SLX4IP: variants seen among roughly 807,000 people sequenced by gnomAD.
SLX4IP encodes SLX4 interacting protein, also known as protein SLX4IP.
A neutral mutation model predicts 32.9 loss-of-function variants in SLX4IP; 34 were observed. The observed-to-expected ratio is 1.03, with a 90% CI of 0.79 to 1.38. SLX4IP has a LOEUF of 1.38. Among genes scored for constraint, SLX4IP ranks in the 40% most tolerant of loss-of-function variants. The pLI is 0.00. For synonymous variants in SLX4IP, 172 were observed against 171.7 expected, an observed-to-expected ratio of 1.00 and a Z score of -0.01; for missense variants, 444 against 479.0, an observed-to-expected ratio of 0.93 and a Z score of 0.68.
intron 2 of SLX4IP, among the ~76,000 whole-genome samples, chr20:10,514,142 G>A (rs1298621957): frequency 6.6e-6 from 1 of 152,160 alleles, no homozygotes; most frequent in Non-Finnish European, 1.5e-5. Flanking sequence ...GTGCAAAGAA[G>A]GGTGCCTCTA....
intron 2 of SLX4IP, among the ~76,000 whole-genome samples, chr20:10,486,567 A>C (rs779830604): frequency 2.0e-5 from 3 of 152,182 alleles, no homozygotes; most frequent in Non-Finnish European, 1.5e-5. Context: ...CTAAATACGC[A>C]TGTGAACATG....
At chr20:10,612,844 A>G (rs1346163163) in intron 6 of SLX4IP, 2 of 153,344 alleles carry the variant, frequency 1.3e-5, no homozygotes, top group Non-Finnish European at 2.9e-5. Flanking sequence ...CCAGCCATTA[A>G]TTATTATTAT....
chr20:10,495,536 T>G (rs1484993514), intron 2 of SLX4IP, among the ~76,000 whole-genome samples: 1 of 152,188 alleles, frequency 6.6e-6, no homozygotes, highest in African/African-American at 2.4e-5. Context: ...TTTATTAATG[T>G]TTTTGCTTAA....
chr20:10,613,463 T>C, intron 6 of SLX4IP: 1 of 1,598,662 alleles, frequency 6.3e-7, no homozygotes, highest in Non-Finnish European at 8.6e-7. Flanking sequence ...TGAGAGCAGA[T>C]TTTTTCCCTC....
chr20:10,575,707 T>C (rs1198243383), intron 4 of SLX4IP, among the ~76,000 whole-genome samples: 1 of 152,178 alleles, frequency 6.6e-6, no homozygotes, highest in East Asian at 1.9e-4. Context: ...AGCCTTCTCT[T>C]ATCTAGGAAG....
At chr20:10,443,162 TG>T (rs887209954) in intron 1 of SLX4IP, among the ~76,000 whole-genome samples, 1 of 152,248 alleles carries the variant, frequency 6.6e-6, no homozygotes, top group Non-Finnish European at 1.5e-5. Context: ...GAAGGCTTAC[TG>T]TGGAATTTGG....
Position 10,468,976 on chromosome 20 carries a change from GGAA to G in SLX4IP, c.27+10752_27+10754del, listed in dbSNP as rs796389453. ...TCTTTTGGCTTCCCTGGGCCACACT[GGAA>G]GAAGAATTGTCTTGGGCCACACATA... On this transcript the variant is annotated intron_variant, in intron 2 of 7. Transcript: ENST00000334534. Among the ~76,000 whole-genome samples, 9 of 152,062 alleles carry G rather than the reference GGAA, an allele frequency of 5.9e-5. No homozygotes were observed. In the South Asian group the frequency reaches 1.9e-3, roughly 32 times the overall value.
intron 2 of SLX4IP, among the ~76,000 whole-genome samples, chr20:10,547,742 A>C (rs568416293): frequency 6.6e-6 from 1 of 152,284 alleles, no homozygotes; most frequent in East Asian, 1.9e-4. Context: ...AGAGGGAGGT[A>C]ATCCCTCCTA....
chr20:10,475,704 C>T (rs2065470450), intron 2 of SLX4IP, among the ~76,000 whole-genome samples: 1 of 152,086 alleles, frequency 6.6e-6, no homozygotes, highest in African/African-American at 2.4e-5. Flanking sequence ...CACTTTCTGC[C>T]CCAATAGCAA....
At chr20:10,577,990 A>G (rs957751148) in intron 4 of SLX4IP, among the ~76,000 whole-genome samples, 1 of 152,174 alleles carries the variant, frequency 6.6e-6, no homozygotes, top group African/African-American at 2.4e-5. Flanking sequence ...CTTCCTAACT[A>G]TTTAGTTGAG....
intron 2 of SLX4IP, among the ~76,000 whole-genome samples, chr20:10,519,875 G>T (rs1418799209): frequency 6.6e-6 from 1 of 152,146 alleles, no homozygotes; most frequent in Admixed American, 6.5e-5. Context: ...GCCAACACTT[G>T]CTATCGTCTG....
intron 2 of SLX4IP, among the ~76,000 whole-genome samples, chr20:10,552,515 A>G (rs961915586): frequency 6.6e-6 from 1 of 151,618 alleles, no homozygotes; most frequent in Non-Finnish European, 1.5e-5. Flanking sequence ...GAGGGAGTTG[A>G]GAGAGCTCAG....
intron 2 of SLX4IP, among the ~76,000 whole-genome samples, chr20:10,513,290 C>G (rs540256066): frequency 1.3e-5 from 2 of 152,222 alleles, no homozygotes; most frequent in Admixed American, 6.5e-5. Flanking sequence ...AGCACAGAAG[C>G]TTAGGAAATT....
rs1568720263 is a variant in SLX4IP, at chr20:10,518,480, T to C, written c.28-37751T>C. Among the ~76,000 whole-genome samples the C allele has an allele frequency of 2.4e-3, 110 of 46,064 alleles. 2 individuals carry two copies. Among genetic ancestry groups the C allele is most frequent in the Non-Finnish European group, 3.5e-3 (57 of 16,492 alleles). 30.2% of individuals were successfully genotyped at this position (46,064 alleles called of 152,430 possible). On this transcript the variant is annotated intron_variant, in intron 2 of 7. Coordinates refer to ENST00000334534, the MANE Select transcript of SLX4IP (RefSeq NM_001009608.3). ...CTTCCTTCCTTTCCTTTCTTTTCCT[T>C]TCCTTTCCTTTTCCTTCCTTCCTTC...
At position 10,616,289 on chromosome 20, in the gene SLX4IP, A is replaced by G. The variant is rs184652666; in HGVS notation, c.406-5025A>G. ...AGACCCATCATCTCTGAATCAATCA[A>G]TCATTGCCGAGGCCTCATCACTAGT... On this transcript the variant is annotated intron_variant, in intron 6 of 7. Coordinates refer to ENST00000334534, the MANE Select transcript of SLX4IP (RefSeq NM_001009608.3). Among the ~76,000 whole-genome samples the G allele has an allele frequency of 3.3e-3, 498 of 151,966 alleles. 7 individuals carry two copies. Among genetic ancestry groups the G allele is most frequent in the African/African-American group, 0.011 (446 of 41,422 alleles).
intron 2 of SLX4IP, among the ~76,000 whole-genome samples, chr20:10,523,831 G>T (rs2065919478): frequency 6.6e-6 from 1 of 152,222 alleles, no homozygotes; most frequent in Admixed American, 6.5e-5. Context: ...TAAACAAAAA[G>T]TCACATTATC....
intron 2 of SLX4IP, among the ~76,000 whole-genome samples, chr20:10,535,132 G>A (rs555513508): frequency 6.6e-6 from 1 of 152,216 alleles, no homozygotes; most frequent in African/African-American, 2.4e-5. Flanking sequence ...GAGAGACCAG[G>A]GAAGACGGTT....
chr20:10,457,165 GTTTA>G (rs2073113462), intron 1 of SLX4IP, among the ~76,000 whole-genome samples: 1 of 152,038 alleles, frequency 6.6e-6, no homozygotes. Context: ...TGAATAGACA[GTTTA>G]TTTCTTTCTT....
chr20:10,478,099 G>A (rs556668205), intron 2 of SLX4IP, among the ~76,000 whole-genome samples: 138 of 151,610 alleles, frequency 9.1e-4, no homozygotes, highest in Admixed American at 2.4e-3. Context: ...GGGTTTCACC[G>A]TGTTGCCCAG....
Sources: gnomAD v4.1 joint callset for allele counts (sites outside exome capture counted in the v4.1 genomes callset) on GRCh38, gnomAD v4.1.1 for gene constraint, MANE v1.5 for transcripts, NCBI Gene and HGNC (gene_info 2026-07-23, HGNC 2026-07-21) for gene names.